The following RAI1 variants were observed in gnomAD, a reference collection of about 807,000 sequenced individuals.
RAI1 encodes retinoic acid-induced protein 1.
RAI1 carries 9 observed loss-of-function variants against 123.8 expected under a neutral mutation model. The ratio of observed to expected loss-of-function variants is 0.07; its 90% CI spans 0.04 to 0.13. The LOEUF is 0.13. Ranked by LOEUF, RAI1 falls within the 10% of genes least tolerant of loss-of-function variation. The pLI is 1.00. For synonymous variants in RAI1, 1,231 were observed against 1,127.3 expected, an observed-to-expected ratio of 1.09 and a Z score of -1.84; for missense variants, 2,256 against 2,545.8, an observed-to-expected ratio of 0.89 and a Z score of 2.45.
chr17:17,726,483 C>G (rs576560010), intron 2 of RAI1, among the ~76,000 whole-genome samples: 1 of 152,346 alleles, frequency 6.6e-6, no homozygotes, highest in African/African-American at 2.4e-5. Context: ...GGGCTGCCTT[C>G]CCTTCCCCAG....
intron 1 of RAI1, among the ~76,000 whole-genome samples, chr17:17,694,950 A>G (rs1914972213): frequency 6.6e-6 from 1 of 151,778 alleles, no homozygotes; most frequent in Admixed American, 6.6e-5. Context: ...GGCGGCGCGC[A>G]TCTCTGGGCC....
rs747739571 is a variant in RAI1, at chr17:17,793,224, G to A, written c.276G>A (p.Gln92=). 6.2e-7 allele frequency: 1 copy of A among 1,611,938 alleles called. No individual in the cohort carries two copies. Among genetic ancestry groups the A allele is most frequent in the Non-Finnish European group, 8.5e-7 (1 of 1,179,364 alleles). ...SKALPTQQGL[Q]GRPAFPGYGV... is the part of the protein sequence containing the mutation. ...CCCTGCCCACACAGCAAGGCCTGCA[G>A]GGGAGGCCGGCTTTCCCTGGCTACG... The change falls in exon 3 of 6, where the codon CAG becomes CAA. Residue 92 remains glutamine, a synonymous_variant. Transcript: ENST00000353383.
chr17:17,702,158 C>G (rs192831449), intron 1 of RAI1, among the ~76,000 whole-genome samples: 210 of 152,282 alleles, frequency 1.4e-3, no homozygotes, highest in African/African-American at 4.9e-3. Context: ...AGAACACTGG[C>G]TGACATGAGG....
Position 17,794,280 on chromosome 17 carries a change from C to A in RAI1, c.1332C>A (p.Asn444Lys). Residue 444 changes from asparagine (N) to lysine (K), a missense_variant, in exon 3 of 6, where the codon AAC becomes AAA. This residue lies in a region of RAI1 where 357 missense variants were observed against 480.2 expected (regional missense o/e 0.74). Coordinates refer to ENST00000353383, the MANE Select transcript of RAI1 (RefSeq NM_030665.4). ...SLTALTSQVE[N>K]ISNTVQQLLL... is the part of the protein sequence containing the mutation. ...CGGCGCTGACCTCACAGGTGGAGAA[C>A]ATCTCCAACACCGTCCAGCAGCTGC... The A allele has an allele frequency of 1.2e-6, 2 of 1,613,290 alleles. No individual in the cohort carries two copies. Among genetic ancestry groups the A allele is most frequent in the Non-Finnish European group, 1.7e-6 (2 of 1,180,038 alleles).
chr17:17,767,427 A>G (rs2030980294), intron 2 of RAI1, among the ~76,000 whole-genome samples: 1 of 152,032 alleles, frequency 6.6e-6, no homozygotes, highest in African/African-American at 2.4e-5. Context: ...AAAAAAAGAT[A>G]CTAAAGAATG....
chr17:17,802,811 C>T (rs1407520545), intron 3 of RAI1, among the ~76,000 whole-genome samples: 1 of 152,080 alleles, frequency 6.6e-6, no homozygotes, highest in East Asian at 1.9e-4. Context: ...AGGCCAGGCG[C>T]TATGTCTTAC....
chr17:17,783,833 C>T (rs2031718561), intron 2 of RAI1, among the ~76,000 whole-genome samples: 1 of 152,168 alleles, frequency 6.6e-6, no homozygotes, highest in South Asian at 2.1e-4. Flanking sequence ...ATTGTCAGAG[C>T]CGGCCCCGCT....
intron 1 of RAI1, among the ~76,000 whole-genome samples, chr17:17,690,717 G>T (rs966370950): frequency 2.6e-5 from 4 of 152,204 alleles, no homozygotes; most frequent in Admixed American, 2.0e-4. Flanking sequence ...CCACCTGAAA[G>T]ATTTCTTAGG....
intron 2 of RAI1, among the ~76,000 whole-genome samples, chr17:17,783,972 C>CCT (rs955743448): frequency 1.3e-5 from 2 of 152,114 alleles, no homozygotes; most frequent in East Asian, 1.9e-4. Flanking sequence ...GCAATTTCCT[C>CCT]CTCTCTCTCT....
chr17:17,766,979 G>A (rs1005688491), intron 2 of RAI1, among the ~76,000 whole-genome samples: 2 of 152,034 alleles, frequency 1.3e-5, no homozygotes, highest in East Asian at 3.9e-4. Context: ...TCAGATGGGA[G>A]GGGAGGGCGG....
At chr17:17,725,358 C>G (rs937946305) in intron 2 of RAI1, among the ~76,000 whole-genome samples, 1 of 152,090 alleles carries the variant, frequency 6.6e-6, no homozygotes, top group Non-Finnish European at 1.5e-5. Context: ...TCAGCAGACG[C>G]TGCTCCGGTG....
intron 1 of RAI1, among the ~76,000 whole-genome samples, chr17:17,713,228 G>T (rs1218444255): frequency 1.3e-5 from 2 of 152,170 alleles, no homozygotes; most frequent in Non-Finnish European, 2.9e-5. Context: ...ACATTGCAAG[G>T]AGCTGGGCGT....
chr17:17,763,534 C>T (rs2030794315), intron 2 of RAI1, among the ~76,000 whole-genome samples: 1 of 152,242 alleles, frequency 6.6e-6, no homozygotes, highest in Non-Finnish European at 1.5e-5. Flanking sequence ...GGCCAGCCCA[C>T]TCTGCCGGAG....
chr17:17,695,792 G>A lies in RAI1; in HGVS notation c.-149+13999G>A, dbSNP rs140786034. Among the ~76,000 whole-genome samples the A allele has an allele frequency of 7.2e-5, 11 of 152,166 alleles. 1 individual carries two copies. The highest frequency in any genetic ancestry group is 6.8e-3 in the Middle Eastern group (2 of 294). ...CCACCTTCGCCTCCCTAAGTACTGGGATTGCAGGTGTGAGCCACTATGCCC... is the reference window on the plus strand; with the variant it reads ...CCACCTTCGCCTCCCTAAGTACTGGAATTGCAGGTGTGAGCCACTATGCCC... On this transcript the variant is annotated intron_variant, in intron 1 of 5. Transcript: ENST00000353383.
chr17:17,809,924 T>C lies in RAI1; in HGVS notation c.5710-46T>C. The C allele has an allele frequency of 6.4e-7, 1 of 1,556,836 alleles. No homozygotes were observed. The highest frequency in any genetic ancestry group is 1.2e-5 in the South Asian group (1 of 84,618). ...CACTGGGGGCGGGGCCTATGGACTG[T>C]GAAGTCCGAGGTCGTCGGTAACTGG... On this transcript the variant is annotated intron_variant, in intron 5 of 5. Transcript: ENST00000353383. This position sits in a 1 kb window ranked among gnomAD's most constrained non-coding sequence, Gnocchi z 4.9.
chr17:17,782,455 C>T (rs886528699), intron 2 of RAI1, among the ~76,000 whole-genome samples: 42 of 151,454 alleles, frequency 2.8e-4, no homozygotes, highest in African/African-American at 9.5e-4. Flanking sequence ...TGCACGTGTG[C>T]GGGGCCGCGC....
chr17:17,751,972 G>T (rs902708957), intron 2 of RAI1, among the ~76,000 whole-genome samples: 28 of 151,856 alleles, frequency 1.8e-4, no homozygotes, highest in Non-Finnish European at 3.7e-4. Flanking sequence ...TTTATTTTTT[G>T]TTTTTTTAAT....
At chr17:17,754,369 T>A (rs2030346827) in intron 2 of RAI1, among the ~76,000 whole-genome samples, 1 of 152,082 alleles carries the variant, frequency 6.6e-6, no homozygotes, top group African/African-American at 2.4e-5. Context: ...CCCGAGTAGC[T>A]GGGATTACAG....
In RAI1 at chr17:17,781,147, A is replaced by C. The variant is rs898222978; in HGVS notation, c.-16-11786A>C. ...GAGAGAACTCCATCTCAGGTTCCCA[A>C]ATAGGCGGTATTCTTCCCCGCCACC... On this transcript the variant is annotated intron_variant, in intron 2 of 5. Transcript: ENST00000353383. 3.7e-4 allele frequency among the ~76,000 whole-genome samples: 56 copies of C among 152,028 alleles called. 1 individual carries two copies. Among genetic ancestry groups the C allele is most frequent in the African/African-American group, 1.3e-3 (53 of 41,386 alleles).
Sources: allele counts gnomAD v4.1 joint callset (sites outside exome capture counted in the v4.1 genomes callset), GRCh38; gene constraint gnomAD v4.1.1; regional missense constraint gnomAD v4.1.1; non-coding constraint Gnocchi (gnomAD v3.1); transcripts MANE v1.5; gene names NCBI Gene and HGNC (gene_info 2026-07-23, HGNC 2026-07-21).